Variants in CHD8 observed in about 807,000 individuals in gnomAD.
The protein encoded by CHD8 is chromodomain helicase DNA binding protein 8.
In CHD8, 31 loss-of-function variants were observed where a neutral mutation model predicts 279.2. The ratio of observed to expected loss-of-function variants is 0.11; its 90% CI spans 0.08 to 0.15. CHD8 has a LOEUF of 0.15. Among genes scored for constraint, CHD8 ranks in the 10% least tolerant of loss-of-function variants. The pLI, the probability that CHD8 is intolerant of heterozygous loss-of-function variation, is 1.00. For synonymous variants in CHD8, 1,081 were observed against 1,139.6 expected (o/e 0.95, Z 1.04); for missense variants, 2,146 against 3,230.5 (o/e 0.66, Z 8.14).
intron 37 of CHD8, among the ~76,000 whole-genome samples, chr14:21,390,050 C>T (rs1594324490): frequency 6.6e-6 from 1 of 151,992 alleles, no homozygotes; most frequent in Admixed American, 6.6e-5. Flanking sequence ...GCTTGGCCAA[C>T]GTGGTGAAAC....
In CHD8 at chr14:21,392,201, G is replaced by A. The variant is rs1998332; in HGVS notation, c.6772-255C>T. ...TTATTTCAACAACACCCAAGTTAGG[G>A]TAAAACTCCCTACCTGGTGTCTCCG... is the stretch of plus-strand genomic sequence containing the variant. On this transcript the variant is annotated intron_variant, in intron 34 of 37. Transcript: ENST00000646647. 0.87 allele frequency: 657,844 copies of A among 755,756 alleles called. 289,209 individuals carry two copies. Among genetic ancestry groups the A allele is most frequent in the Middle Eastern group, 0.91 (4,006 of 4,386 alleles). The allele number at this position is 755,756 out of a possible 1,614,324, so 46.8% of individuals were successfully genotyped here.
At chr14:21,445,644 G>A (rs988538723) in intron 1 of CHD8, among the ~76,000 whole-genome samples, 3 of 141,256 alleles carry the variant, frequency 2.1e-5, no homozygotes, top group Non-Finnish European at 4.5e-5. Context: ...AGGCAAAATC[G>A]TGCCACTGCA....
intron 37 of CHD8, among the ~76,000 whole-genome samples, chr14:21,387,280 G>C (rs138691852): frequency 0.048 from 7,312 of 151,832 alleles, 290 homozygotes; most frequent in African/African-American, 0.11. Context: ...GAGGTTAGGA[G>C]TTCAAGACCA....
chr14:21,421,456 T>C lies in CHD8; in HGVS notation c.1716+4672A>G, dbSNP rs942809881. On this transcript the variant is annotated intron_variant, in intron 5 of 37. Transcript: ENST00000646647. ...TTAACTATTTCTCCACCAATGGACA[T>C]CTAATTTTTAGACATTTTTGCTATT... 2.0e-5 allele frequency among the ~76,000 whole-genome samples: 3 copies of C among 152,022 alleles called. 1 individual carries two copies. Among genetic ancestry groups the C allele is most frequent in the South Asian group, 4.1e-4 (2 of 4,822 alleles).
rs1490907676 is a variant in CHD8, at chr14:21,430,872, G to A, written c.772C>T (p.Pro258Ser). The A allele has an allele frequency of 6.3e-7, 1 of 1,599,430 alleles. No homozygotes were observed. Among genetic ancestry groups the A allele is most frequent in the Non-Finnish European group, 8.5e-7 (1 of 1,179,738 alleles). ...LVLQPVKGSA[P>S]AGNPGATGPP... ...CCTGTGGCCCCAGGGTTTCCAGCAG[G>A]AGCTGAACCCTTAACTGGCTGGAGG... Residue 258 changes from proline (P) to serine (S), a missense_variant, in exon 2 of 38, where the codon CCT (proline) becomes TCT (serine). This residue lies in a region of CHD8 where 302 missense variants were observed against 325.5 expected (regional missense o/e 0.93). Transcript: ENST00000646647.
At chr14:21,433,278 G>GA (rs1889640991) in intron 1 of CHD8, among the ~76,000 whole-genome samples, 1 of 152,192 alleles carries the variant, frequency 6.6e-6, no homozygotes, top group African/African-American at 2.4e-5. Context: ...ATGAATGGCT[G>GA]AAAGTAGGTT....
In CHD8 at chr14:21,402,330, A is replaced by T; in HGVS notation, c.3882+6T>A. On this transcript the variant is annotated splice_donor_region_variant and intron_variant, in intron 19 of 37. Transcript: ENST00000646647. The surrounding 1 kb of genome is among the most constrained non-coding windows in gnomAD (Gnocchi z 4.5). ...ACAAACTTATCTATAAACTAAGAGG[A>T]CTCACTCCAGTAATGTTGCCATCCC... 6.2e-7 allele frequency: 1 copy of T among 1,613,734 alleles called. No individual in the cohort carries two copies. Among genetic ancestry groups the T allele is most frequent in the Non-Finnish European group, 8.5e-7 (1 of 1,179,710 alleles).
Position 21,448,896 on chromosome 14 carries a change from T to C in CHD8, c.-216+7136A>G, listed in dbSNP as rs865891511. On this transcript the variant is annotated intron_variant, in intron 1 of 37. Transcript: ENST00000646647. ...AACTTTTAAAAGGAGGAGGCTGGGC[T>C]GGGCACGGTGGCTCACGCCTGTAAT... is the stretch of plus-strand genomic sequence containing the variant. 4.3e-5 allele frequency among the ~76,000 whole-genome samples: 6 copies of C among 140,896 alleles called. No homozygotes were observed. In the South Asian group the frequency reaches 1.6e-3, roughly 37 times the overall value. 92.4% of individuals were successfully genotyped at this position (140,896 alleles called of 152,430 possible). A position where few individuals can be genotyped will look rare whatever the true frequency, so the allele number is the denominator to read the frequency against.
In CHD8 at chr14:21,406,994, C is replaced by T; in HGVS notation, c.2769G>A (p.Leu923=). 1.3e-6 allele frequency: 2 copies of T among 1,599,702 alleles called. No homozygotes were observed. The highest frequency in any genetic ancestry group is 1.7e-6 in the Non-Finnish European group (2 of 1,172,608). ...LIPGAYKFDA[L]ITTFEMILSD... is the part of the protein sequence containing the mutation. Reference sequence around the variant, plus strand: ...ACAAAATCATCTCAAAAGTGGTGATCAGAGCGTCAAACTTGTATGCGCCTG... The same window carrying T: ...ACAAAATCATCTCAAAAGTGGTGATTAGAGCGTCAAACTTGTATGCGCCTG... Residue 923 remains leucine, a synonymous_variant, in exon 14 of 38, where the codon CTG becomes CTA. Coordinates refer to ENST00000646647, the MANE Select transcript of CHD8 (RefSeq NM_001170629.2).
intron 1 of CHD8, among the ~76,000 whole-genome samples, chr14:21,444,486 G>T (rs1397528158): frequency 6.6e-6 from 1 of 152,106 alleles, no homozygotes; most frequent in African/African-American, 2.4e-5. Context: ...TGAAGATCAT[G>T]TTCAACTAAA....
intron 5 of CHD8, among the ~76,000 whole-genome samples, chr14:21,418,544 G>A (rs1416453694): frequency 2.6e-5 from 4 of 151,628 alleles, no homozygotes; most frequent in African/African-American, 4.8e-5. Context: ...AGCCAGGCGC[G>A]GTGGCCCACG....
At chr14:21,441,855 C>G (rs141327876) in intron 1 of CHD8, among the ~76,000 whole-genome samples, 13,696 of 151,858 alleles carry the variant, frequency 0.09, 885 homozygotes, top group Non-Finnish European at 0.14. Flanking sequence ...CGCCACTGCA[C>G]TCCAGCCTGG....
intron 4 of CHD8, 196 bp downstream of exon 4, chr14:21,427,673 G>A (rs1473638711): frequency 6.7e-7 from 1 of 1,484,952 alleles, no homozygotes; most frequent in Non-Finnish European, 8.9e-7. Flanking sequence ...CATCCCAATA[G>A]CAAGGAGTAC....
chr14:21,443,855 CAAAAAAAAAA>C (rs369671712), intron 1 of CHD8, among the ~76,000 whole-genome samples: 5 of 47,240 alleles, frequency 1.1e-4, no homozygotes, highest in South Asian at 9.0e-4. Flanking sequence ...GACTCCGTCT[CAAAAAAAAAA>C]AAAAAAAAAA....
intron 5 of CHD8, among the ~76,000 whole-genome samples, chr14:21,418,778 T>C (rs1030545711): frequency 7.9e-5 from 12 of 152,236 alleles, no homozygotes. Flanking sequence ...ATCGCGCCAC[T>C]GCACTCCAGT....
chr14:21,442,713 GGAGAAGGGAGGAGAGGGGAAGAGAC>G, intron 1 of CHD8, among the ~76,000 whole-genome samples: 1 of 91,332 alleles, frequency 1.1e-5, no homozygotes, highest in African/African-American at 4.7e-5. Flanking sequence ...GGAGAGGAGA[GGAGAAGGGAGGAGAGGGGAAGAGAC>G]GGGAGGAGAG....
At chr14:21,434,736 A>T (rs1054042017) in intron 1 of CHD8, among the ~76,000 whole-genome samples, 1 of 152,080 alleles carries the variant, frequency 6.6e-6, no homozygotes, top group African/African-American at 2.4e-5. Context: ...AATTCATCTC[A>T]TATTTTTATG....
intron 5 of CHD8, among the ~76,000 whole-genome samples, chr14:21,420,304 G>C (rs1888967522): frequency 6.6e-6 from 1 of 152,216 alleles, no homozygotes. Flanking sequence ...CCTGTGCTCT[G>C]TGGGCGCAGC....
chr14:21,394,237 T>C (rs1887674253), intron 31 of CHD8, 40 bp downstream of exon 31: 2 of 1,612,238 alleles, frequency 1.2e-6, no homozygotes, highest in Non-Finnish European at 8.5e-7. Flanking sequence ...GAGTTGCTTC[T>C]GTTGGCATCC....
Sources: allele counts gnomAD v4.1 joint callset (sites outside exome capture counted in the v4.1 genomes callset), GRCh38; gene constraint gnomAD v4.1.1; regional missense constraint gnomAD v4.1.1; non-coding constraint Gnocchi (gnomAD v3.1); transcripts MANE v1.5; gene names NCBI Gene and HGNC (gene_info 2026-07-23, HGNC 2026-07-21).